Variants in KCNH7 observed in about 807,000 individuals in gnomAD.
The protein encoded by KCNH7 is potassium voltage-gated channel subfamily H member 7.
KCNH7 carries 49 observed loss-of-function variants against 120.8 expected under a neutral mutation model. The ratio of observed to expected loss-of-function variants is 0.41; its 90% confidence interval spans 0.32 to 0.51. The LOEUF (loss-of-function observed/expected upper bound fraction) is 0.51, where lower values mean the gene tolerates loss of function less well. KCNH7 is among the 20% of genes least tolerant of loss of function. The pLI, the probability that KCNH7 is intolerant of heterozygous loss-of-function variation, is 0.38. For synonymous variants in KCNH7, 547 were observed against 516.1 expected, an observed-to-expected ratio of 1.06 and a Z score of -0.81; for missense variants, 1,097 against 1,446.6, an observed-to-expected ratio of 0.76 and a Z score of 3.92.
chr2:162,584,676 G>T (rs926319950), intron 2 of KCNH7, among the ~76,000 whole-genome samples: 16 of 151,956 alleles, frequency 1.1e-4, no homozygotes, highest in African/African-American at 3.9e-4. Flanking sequence ...TACAACTGGG[G>T]AATCTAGATC....
chr2:162,601,637 A>T (rs1313532438), intron 2 of KCNH7, among the ~76,000 whole-genome samples: 4 of 151,932 alleles, frequency 2.6e-5, no homozygotes, highest in Non-Finnish European at 5.9e-5. Context: ...CCATACAATT[A>T]TCTGTGTACT....
intron 2 of KCNH7, among the ~76,000 whole-genome samples, chr2:162,743,100 C>T (rs1043676025): frequency 6.6e-6 from 1 of 152,104 alleles, no homozygotes; most frequent in African/African-American, 2.4e-5. Flanking sequence ...TGATTTCCCT[C>T]TCAACCCACG....
chr2:162,604,118 A>G (rs903474460), intron 2 of KCNH7, among the ~76,000 whole-genome samples: 9 of 152,118 alleles, frequency 5.9e-5, no homozygotes, highest in African/African-American at 2.2e-4. Flanking sequence ...TAGGAATTCT[A>G]TCTGAAATTA....
At chr2:162,457,418 A>G (rs1175007176) in intron 6 of KCNH7, among the ~76,000 whole-genome samples, 1 of 152,200 alleles carries the variant, frequency 6.6e-6, no homozygotes, top group East Asian at 1.9e-4. Context: ...CTAATTAAGC[A>G]TACAGTTTAG....
At chr2:162,687,102 C>T (rs1453274673) in intron 2 of KCNH7, among the ~76,000 whole-genome samples, 6 of 152,076 alleles carry the variant, frequency 3.9e-5, no homozygotes, top group Non-Finnish European at 5.9e-5. Flanking sequence ...AGGAAAAATA[C>T]GGCTGGTAAC....
chr2:162,425,949 C>T (rs1303028982), intron 8 of KCNH7, among the ~76,000 whole-genome samples: 2 of 152,064 alleles, frequency 1.3e-5, no homozygotes, highest in Non-Finnish European at 1.5e-5. Flanking sequence ...CGCGGTGGCT[C>T]ATGCCTGTAA....
At chr2:162,709,808 C>T (rs995869271) in intron 2 of KCNH7, among the ~76,000 whole-genome samples, 39 of 152,258 alleles carry the variant, frequency 2.6e-4, no homozygotes, top group African/African-American at 9.1e-4. Context: ...TCTTCATTAA[C>T]CTTTAGAAAT....
intron 7 of KCNH7, among the ~76,000 whole-genome samples, chr2:162,442,004 T>A (rs1403164088): frequency 1.2e-5 from 1 of 84,808 alleles, no homozygotes; most frequent in Admixed American, 1.3e-4. Flanking sequence ...GTCTTCTTTT[T>A]TTTTTTTTTT....
chr2:162,503,195 T>A (rs1342190634), intron 6 of KCNH7, among the ~76,000 whole-genome samples: 2 of 152,050 alleles, frequency 1.3e-5, no homozygotes, highest in African/African-American at 4.8e-5. Context: ...ATCCTAATAT[T>A]TCCAACTTTT....
intron 2 of KCNH7, among the ~76,000 whole-genome samples, chr2:162,728,813 A>G (rs1467331005): frequency 6.6e-6 from 1 of 152,156 alleles, no homozygotes; most frequent in Admixed American, 6.5e-5. Flanking sequence ...TGATGAAGCC[A>G]AGTTATCAAA....
At chr2:162,542,920 C>T (rs1243685040) in intron 2 of KCNH7, among the ~76,000 whole-genome samples, 1 of 152,004 alleles carries the variant, frequency 6.6e-6, no homozygotes, top group Non-Finnish European at 1.5e-5. Flanking sequence ...CTGTTGTTTC[C>T]TGACTTTTTA....
At chr2:162,620,958 T>C (rs1287896743) in intron 2 of KCNH7, among the ~76,000 whole-genome samples, 2 of 152,130 alleles carry the variant, frequency 1.3e-5, no homozygotes, top group African/African-American at 4.8e-5. Context: ...AGGCATAAGC[T>C]GGGACTGCCC....
At chr2:162,449,866 C>CA (rs971208486) in intron 6 of KCNH7, among the ~76,000 whole-genome samples, 1 of 151,832 alleles carries the variant, frequency 6.6e-6, no homozygotes. Context: ...AATACAATGA[C>CA]AAAAAATGAA....
intron 4 of KCNH7, 48 bp downstream of exon 4, chr2:162,517,682 T>G (rs1691353343): frequency 7.4e-7 from 1 of 1,355,124 alleles, no homozygotes; most frequent in Non-Finnish European, 1.0e-6. Context: ...AAATAATCAT[T>G]TATTACCCAT....
chr2:162,731,844 G>A (rs1014358100), intron 2 of KCNH7, among the ~76,000 whole-genome samples: 1 of 152,018 alleles, frequency 6.6e-6, no homozygotes, highest in Admixed American at 6.6e-5. Flanking sequence ...CTGGATGGTA[G>A]GTATAGGGAT....
intron 8 of KCNH7, among the ~76,000 whole-genome samples, chr2:162,426,341 G>A (rs1332391163): frequency 6.6e-6 from 1 of 152,014 alleles, no homozygotes; most frequent in Non-Finnish European, 1.5e-5. Flanking sequence ...TGGAGCTAGA[G>A]GTTGTAAGCT....
intron 2 of KCNH7, among the ~76,000 whole-genome samples, chr2:162,620,315 C>G (rs1398274756): frequency 6.6e-6 from 1 of 151,666 alleles, no homozygotes; most frequent in Non-Finnish European, 1.5e-5. Flanking sequence ...ACCCCATGAT[C>G]TCAAAGGTCC....
At chr2:162,504,974 C>A (rs1690822200) in intron 5 of KCNH7, among the ~76,000 whole-genome samples, 1 of 151,880 alleles carries the variant, frequency 6.6e-6, no homozygotes, top group Admixed American at 6.6e-5. Flanking sequence ...TCAAATTCTA[C>A]CTTTAAAGTT....
intron 2 of KCNH7, among the ~76,000 whole-genome samples, chr2:162,551,940 T>C (rs938507944): frequency 6.6e-5 from 10 of 152,192 alleles, no homozygotes; most frequent in African/African-American, 1.9e-4. Context: ...GGTGGAAATG[T>C]AACATTTTTC....
Sources: allele counts gnomAD v4.1 joint callset (sites outside exome capture counted in the v4.1 genomes callset), GRCh38; gene constraint gnomAD v4.1.1; transcripts MANE v1.5; gene names NCBI Gene and HGNC (gene_info 2026-07-23, HGNC 2026-07-21).